Variants in LRRC37B observed in about 807,000 individuals in gnomAD.
LRRC37B encodes the protein leucine-rich repeat-containing protein 37B.
LRRC37B carries 28 observed loss-of-function variants against 98.3 expected under a neutral mutation model. The observed-to-expected ratio is 0.28, with a 90% CI of 0.21 to 0.39. The LOEUF (loss-of-function observed/expected upper bound fraction) is 0.39, where lower values mean the gene tolerates loss of function less well. Among genes scored for constraint, LRRC37B ranks in the 10% least tolerant of loss-of-function variants. LRRC37B has a pLI of 1.00. For synonymous variants in LRRC37B, 364 were observed against 442.7 expected (o/e 0.82, Z 2.23); for missense variants, 938 against 1,182.7 (o/e 0.79, Z 3.03).
At chr17:32,007,886 G>A, upstream of LRRC37B, 3 of 989,592 alleles carry the variant, frequency 3.0e-6, no homozygotes, top group Non-Finnish European at 3.8e-6. The surrounding 1 kb of genome is among the most constrained non-coding windows in gnomAD (Gnocchi z 4.1). Context: ...GGGGCGCGGG[G>A]GCAGCCACCT....
intron 1 of LRRC37B, 39 bp downstream of exon 1, chr17:32,008,171 C>A: frequency 4.1e-6 from 1 of 246,410 alleles, no homozygotes. Flanking sequence ...TCATTCCCCA[C>A]CTCCTCTCCC....
intron 1 of LRRC37B, among the ~76,000 whole-genome samples, chr17:32,010,254 T>C (rs1192949309): frequency 6.6e-6 from 1 of 152,228 alleles, no homozygotes. Context: ...ATTGTAGCAA[T>C]GAAAGCAGTC....
intron 8 of LRRC37B, chr17:32,047,030 T>C (rs1911604906): frequency 1.3e-5 from 2 of 152,740 alleles, no homozygotes; most frequent in Admixed American, 6.5e-5. Flanking sequence ...CATAGATTCA[T>C]TGTATATTTA....
intron 7 of LRRC37B, among the ~76,000 whole-genome samples, chr17:32,039,567 A>G (rs1911364731): frequency 1.6e-5 from 2 of 128,040 alleles, no homozygotes; most frequent in South Asian, 2.3e-4. Context: ...TTCTATATAT[A>G]TATTTCTATA....
chr17:32,020,930 G>A (rs1910752796), upstream of LRRC37B: 3 of 1,440,154 alleles, frequency 2.1e-6, no homozygotes, highest in South Asian at 3.0e-5. Flanking sequence ...GGGGAGGGGA[G>A]GGGTGTTCCG....
intron 1 of LRRC37B, among the ~76,000 whole-genome samples, chr17:32,015,256 C>T (rs545047526): frequency 1.4e-4 from 21 of 152,240 alleles, no homozygotes; most frequent in Admixed American, 6.5e-4. Flanking sequence ...ATGTTAATAC[C>T]AGATTGGGAC....
At chr17:32,047,468 T>C (rs992670226) in intron 8 of LRRC37B, 3 of 427,266 alleles carry the variant, frequency 7.0e-6, no homozygotes, top group African/African-American at 6.1e-5. Flanking sequence ...GTCTTCCACC[T>C]TGGGCTTTGA....
At chr17:32,021,299 C>T in exon 1 of LRRC37B, 1 of 1,613,482 alleles carries the variant, frequency 6.2e-7, no homozygotes, top group Non-Finnish European at 8.5e-7. Flanking sequence ...GGTCTTCCCG[C>T]TCCTCCCATC....
At chr17:32,036,028 A>C in intron 7 of LRRC37B, 1 of 203,744 alleles carries the variant, frequency 4.9e-6, no homozygotes. Context: ...TTTGAGACGG[A>C]GTCTCACTGT....
At chr17:32,029,435 A>G (rs976440142) in intron 3 of LRRC37B, among the ~76,000 whole-genome samples, 31 of 152,210 alleles carry the variant, frequency 2.0e-4, no homozygotes, top group African/African-American at 7.5e-4. Flanking sequence ...GGGATGAACA[A>G]TAACTACATT....
intron 1 of LRRC37B, among the ~76,000 whole-genome samples, chr17:32,014,996 G>T (rs1353519123): frequency 2.0e-5 from 3 of 152,150 alleles, no homozygotes; most frequent in Non-Finnish European, 4.4e-5. Flanking sequence ...GCCAGGTGTG[G>T]TGGTGGACTC....
At chr17:32,035,068 T>G (rs1911210858) in intron 6 of LRRC37B, 87 bp downstream of exon 9, 4 of 968,808 alleles carry the variant, frequency 4.1e-6, no homozygotes, top group Non-Finnish European at 6.2e-6. Context: ...GCATTTAGGC[T>G]AAAAAGTCAT....
chr17:32,041,786 C>G, intron 7 of LRRC37B: 1 of 458,720 alleles, frequency 2.2e-6, no homozygotes, highest in Middle Eastern at 3.5e-4. Flanking sequence ...CGCCGGCCTC[C>G]TCCCTGCTCC....
chr17:32,022,381 C>T, exon 1 of LRRC37B: 1 of 1,613,904 alleles, frequency 6.2e-7, no homozygotes, highest in Non-Finnish European at 8.5e-7. Flanking sequence ...TCACACCTGA[C>T]TGAAGCCACA....
chr17:32,013,139 C>G (rs1231977816), intron 1 of LRRC37B, among the ~76,000 whole-genome samples: 1 of 152,080 alleles, frequency 6.6e-6, no homozygotes, highest in East Asian at 1.9e-4. Flanking sequence ...TACCCTTTTG[C>G]TTTTAATCTA....
upstream of LRRC37B, among the ~76,000 whole-genome samples, chr17:32,020,295 G>A (rs767716355): frequency 1.3e-4 from 20 of 152,220 alleles, no homozygotes; most frequent in Non-Finnish European, 2.4e-4. Context: ...CTGGGTTCTA[G>A]TTATAGTCGC....
chr17:32,036,976 A>ATTTTTT (rs71360793), intron 7 of LRRC37B, among the ~76,000 whole-genome samples: 7 of 51,666 alleles, frequency 1.4e-4, no homozygotes, highest in Non-Finnish European at 1.8e-4. Flanking sequence ...CATCTTCAGC[A>ATTTTTT]TTTTTTTTTT....
At chr17:32,044,186 G>A (rs1911516258) in intron 7 of LRRC37B, among the ~76,000 whole-genome samples, 2 of 151,052 alleles carry the variant, frequency 1.3e-5, no homozygotes, top group Non-Finnish European at 2.9e-5. Context: ...CTCTGAAACT[G>A]CCCCCAAGAA....
At chr17:32,049,300 C>T in exon 10 of LRRC37B, 1 of 1,613,772 alleles carries the variant, frequency 6.2e-7, no homozygotes, top group Admixed American at 1.7e-5. Flanking sequence ...GAAGCAAAGG[C>T]ATTGAATGTA....
Sources: allele counts gnomAD v4.1 joint callset (sites outside exome capture counted in the v4.1 genomes callset), GRCh38; gene constraint gnomAD v4.1.1; non-coding constraint Gnocchi (gnomAD v3.1); transcripts MANE v1.5; gene names NCBI Gene and HGNC (gene_info 2026-07-23, HGNC 2026-07-21).